EVI5: variants seen among roughly 807,000 people sequenced by gnomAD.
EVI5 encodes the protein ecotropic viral integration site 5, also known as ecotropic viral integration site 5 protein homolog.
In EVI5, 73 loss-of-function variants were observed where a neutral mutation model predicts 112.0. The ratio of observed to expected loss-of-function variants is 0.65; its 90% CI spans 0.54 to 0.79. The LOEUF (loss-of-function observed/expected upper bound fraction) is 0.79. EVI5 is among the 30% of genes least tolerant of loss of function. EVI5 has a pLI of 0.00. For missense variants in EVI5, 900 were observed against 968.8 expected (o/e 0.93, Z 0.94); for synonymous variants, 305 against 319.9 (o/e 0.95, Z 0.50).
chr1:92,510,035 T>C lies in EVI5; in HGVS notation c.*3621A>G, dbSNP rs74865632. The C allele has an allele frequency of 1.3e-4, 20 of 152,364 alleles. No individual in the cohort carries two copies. In the East Asian group the frequency reaches 3.9e-3, roughly 29 times the overall value. The allele number at this position is 152,364 out of a possible 1,614,324, so 9.4% of individuals were successfully genotyped here. ...CAAGGCATAATATCCTATTGCATCC[T>C]AAAGGCCTGGGAGATTTTAAACTCT... On this transcript the variant is annotated 3_prime_UTR_variant, in exon 20 of 20. Transcript: ENST00000684568.
chr1:92,587,081 T>C (rs1046162921), intron 18 of EVI5, among the ~76,000 whole-genome samples: 1 of 152,124 alleles, frequency 6.6e-6, no homozygotes, highest in East Asian at 1.9e-4. Flanking sequence ...TAAAAACCTC[T>C]AGATACTTCA....
chr1:92,521,162 A>G (rs1043630833), intron 19 of EVI5, among the ~76,000 whole-genome samples: 2 of 151,794 alleles, frequency 1.3e-5, no homozygotes, highest in Non-Finnish European at 2.9e-5. Flanking sequence ...GAGTTTCGCT[A>G]TGTTGCCCAG....
intron 19 of EVI5, among the ~76,000 whole-genome samples, chr1:92,555,488 TAAACTAGGTA>T (rs1258811681): frequency 6.6e-5 from 10 of 152,202 alleles, no homozygotes; most frequent in Non-Finnish European, 5.9e-5. Flanking sequence ...TACCACTCTG[TAAACTAGGTA>T]ACATACTTGG....
At chr1:92,714,409 A>G (rs1673302418) in intron 2 of EVI5, among the ~76,000 whole-genome samples, 1 of 152,208 alleles carries the variant, frequency 6.6e-6, no homozygotes, top group Non-Finnish European at 1.5e-5. Context: ...TACAAAGTGT[A>G]AGTTGTATCT....
chr1:92,683,738 T>C (rs1408374229), intron 9 of EVI5, among the ~76,000 whole-genome samples: 2 of 152,090 alleles, frequency 1.3e-5, no homozygotes, highest in African/African-American at 4.8e-5. Context: ...CTGAAAACCA[T>C]GGCACAAGAA....
At chr1:92,527,464 A>G (rs548581530) in intron 19 of EVI5, among the ~76,000 whole-genome samples, 9 of 152,210 alleles carry the variant, frequency 5.9e-5, no homozygotes, top group South Asian at 2.1e-4. Context: ...AAGAAAAAAA[A>G]AGTATGTATT....
intron 2 of EVI5, among the ~76,000 whole-genome samples, chr1:92,712,449 T>C (rs752771640): frequency 1.3e-5 from 2 of 152,114 alleles, no homozygotes; most frequent in Non-Finnish European, 2.9e-5. Flanking sequence ...ATACAGACAT[T>C]CCAGAAAAAC....
chr1:92,773,520 T>A (rs1438506632), intron 1 of EVI5, among the ~76,000 whole-genome samples: 2 of 151,834 alleles, frequency 1.3e-5, no homozygotes, highest in African/African-American at 2.4e-5. Flanking sequence ...ACAAACCCTG[T>A]TGTCCCCACT....
chr1:92,687,086 A>C (rs1668672592), intron 9 of EVI5, among the ~76,000 whole-genome samples: 1 of 152,208 alleles, frequency 6.6e-6, no homozygotes, highest in Non-Finnish European at 1.5e-5. Context: ...TGCCGAAACA[A>C]TCCTAAGCAA....
intron 1 of EVI5, among the ~76,000 whole-genome samples, chr1:92,744,429 C>T (rs1271157160): frequency 1.3e-5 from 2 of 152,158 alleles, no homozygotes; most frequent in African/African-American, 4.8e-5. Flanking sequence ...GTGAATTTGT[C>T]TATTACTCCT....
intron 9 of EVI5, among the ~76,000 whole-genome samples, chr1:92,689,161 A>G (rs1669061803): frequency 6.6e-6 from 1 of 152,236 alleles, no homozygotes; most frequent in African/African-American, 2.4e-5. Flanking sequence ...ACTGGCCACA[A>G]TGAGAACACA....
rs140263388 is a variant in EVI5, at chr1:92,756,113, C to T, written c.-81-19486G>A. Reference sequence around the variant, plus strand: ...TCTGAAGAAAAAGAAGATAGTGTGCCTAAGCTGGAACAGCTCAACAGCCTA... The same window carrying T: ...TCTGAAGAAAAAGAAGATAGTGTGCTTAAGCTGGAACAGCTCAACAGCCTA... On this transcript the variant is annotated intron_variant, in intron 1 of 19. Transcript: ENST00000684568. The T allele has an allele frequency of 6.4e-4, 194 of 301,850 alleles. 2 individuals carry two copies. The highest frequency in any genetic ancestry group is 3.0e-3 in the South Asian group (68 of 22,418). The allele number at this position is 301,850 out of a possible 1,614,324, so 18.7% of individuals were successfully genotyped here. A position where few individuals can be genotyped will look rare whatever the true frequency, so the allele number is the denominator to read the frequency against.
upstream of EVI5, chr1:92,785,198 G>A (rs1685484187): frequency 4.4e-6 from 3 of 677,476 alleles, no homozygotes; most frequent in Non-Finnish European, 5.5e-6. Flanking sequence ...CGGGCCGGCC[G>A]AGAAAAGGAG....
intron 13 of EVI5, among the ~76,000 whole-genome samples, chr1:92,654,936 T>A (rs1179621803): frequency 6.6e-6 from 1 of 151,814 alleles, no homozygotes; most frequent in Non-Finnish European, 1.5e-5. Context: ...AAAGAAAAAA[T>A]AATTTTCAAA....
chr1:92,728,645 C>G (rs1193437237), intron 2 of EVI5, among the ~76,000 whole-genome samples: 1 of 152,194 alleles, frequency 6.6e-6, no homozygotes, highest in Non-Finnish European at 1.5e-5. Context: ...ACCTTGGCCT[C>G]CCAAAGTGCT....
chr1:92,663,302 AT>A (rs1244819169), intron 12 of EVI5, 117 bp downstream of exon 12: 4 of 479,820 alleles, frequency 8.3e-6, no homozygotes, highest in Non-Finnish European at 1.4e-5. Flanking sequence ...CCAAAAAATT[AT>A]TTCTAGAAAA....
At chr1:92,523,595 G>A (rs1661326699) in intron 19 of EVI5, among the ~76,000 whole-genome samples, 1 of 151,982 alleles carries the variant, frequency 6.6e-6, no homozygotes, top group African/African-American at 2.4e-5. Context: ...TAAAAATAAT[G>A]TATTTTAGGT....
intron 1 of EVI5, among the ~76,000 whole-genome samples, chr1:92,767,839 G>A (rs1391549988): frequency 1.3e-5 from 2 of 152,138 alleles, no homozygotes; most frequent in African/African-American, 4.8e-5. Flanking sequence ...CAGCACCTTG[G>A]GAGGCCAAGG....
At position 92,512,886 on chromosome 1, in the gene EVI5, C is replaced by T. The variant is rs1055195899; in HGVS notation, c.*770G>A. ...GGTAGGCTGGGTGCAGTGGCTCACA[C>T]CTGTAATCCCAGCACTTTGGGAGGC... On this transcript the variant is annotated 3_prime_UTR_variant, in exon 20 of 20. Transcript: ENST00000684568. 1.3e-5 allele frequency: 2 copies of T among 151,854 alleles called. No homozygotes were observed. Among genetic ancestry groups the T allele is most frequent in the Non-Finnish European group, 2.9e-5 (2 of 67,966 alleles). The allele number at this position is 151,854 out of a possible 1,614,324, so 9.4% of individuals were successfully genotyped here. A position where few individuals can be genotyped will look rare whatever the true frequency, so the allele number is the denominator to read the frequency against.
Sources: gnomAD v4.1 joint callset for allele counts (sites outside exome capture counted in the v4.1 genomes callset) on GRCh38, gnomAD v4.1.1 for gene constraint, MANE v1.5 for transcripts, NCBI Gene and HGNC (gene_info 2026-07-23, HGNC 2026-07-21) for gene names.